CDH20: variants seen among roughly 807,000 people sequenced by gnomAD.
CDH20 encodes cadherin-20.
CDH20 carries 29 observed loss-of-function variants against 74.2 expected under a neutral mutation model. The ratio of observed to expected loss-of-function variants is 0.39; its 90% CI spans 0.29 to 0.53. The LOEUF is 0.53. CDH20 is among the 20% of genes least tolerant of loss of function. CDH20 has a pLI of 0.69. For synonymous variants in CDH20, 469 were observed against 405.4 expected (o/e 1.16, Z -1.88); for missense variants, 988 against 1,048.3 (o/e 0.94, Z 0.79).
intron 6 of CDH20, among the ~76,000 whole-genome samples, chr18:61,524,955 G>C (rs1315710330): frequency 6.6e-6 from 1 of 151,878 alleles, no homozygotes; most frequent in Admixed American, 6.6e-5. Flanking sequence ...CAACATGGAT[G>C]AATCTCAAAT....
intron 7 of CDH20, among the ~76,000 whole-genome samples, chr18:61,529,662 T>A (rs1912569948): frequency 6.6e-6 from 1 of 152,186 alleles, no homozygotes; most frequent in Non-Finnish European, 1.5e-5. Context: ...CAAGAATATA[T>A]ACCTTCTGAT....
At chr18:61,481,505 G>T (rs944566906) in intron 1 of CDH20, among the ~76,000 whole-genome samples, 2 of 152,108 alleles carry the variant, frequency 1.3e-5, no homozygotes, top group Admixed American at 6.5e-5. Context: ...TTCTTTTCCT[G>T]AAAGCATGTA....
intron 9 of CDH20, among the ~76,000 whole-genome samples, chr18:61,541,353 C>T (rs892956005): frequency 2.0e-5 from 3 of 151,606 alleles, no homozygotes; most frequent in African/African-American, 4.8e-5. Context: ...ATAAAATAAG[C>T]TAATTTTAAT....
intron 1 of CDH20, among the ~76,000 whole-genome samples, chr18:61,448,183 A>G (rs1909262313): frequency 6.6e-6 from 1 of 152,326 alleles, no homozygotes; most frequent in Non-Finnish European, 1.5e-5. Flanking sequence ...ATCAAAAAGG[A>G]AAAGAATAGA....
At chr18:61,362,836 A>G in intron 1 of CDH20, among the ~76,000 whole-genome samples, 1 of 152,270 alleles carries the variant, frequency 6.6e-6, no homozygotes, top group African/African-American at 2.4e-5. Context: ...GAATATACAT[A>G]TTTATATTAC....
intron 2 of CDH20, 66 bp from the exon 3 acceptor site, chr18:61,499,119 GA>G: frequency 7.8e-7 from 1 of 1,286,910 alleles, no homozygotes; most frequent in Non-Finnish European, 1.1e-6. Context: ...GTAACAAACT[GA>G]AAATCAATGT....
At chr18:61,544,145 G>A (rs771208659) in intron 9 of CDH20, among the ~76,000 whole-genome samples, 2 of 152,242 alleles carry the variant, frequency 1.3e-5, no homozygotes, top group Non-Finnish European at 2.9e-5. Context: ...GTTTCACATG[G>A]AACGGGAGAG....
intron 1 of CDH20, among the ~76,000 whole-genome samples, chr18:61,470,372 C>A (rs969823058): frequency 2.0e-5 from 3 of 152,148 alleles, no homozygotes; most frequent in Admixed American, 1.3e-4. Context: ...CATTTTCCAA[C>A]GGAAAAAGGA....
intron 6 of CDH20, among the ~76,000 whole-genome samples, chr18:61,521,471 C>G (rs910997025): frequency 1.3e-5 from 2 of 151,246 alleles, no homozygotes; most frequent in African/African-American, 2.5e-5. Flanking sequence ...GATACAGATT[C>G]ACAGCCGAAT....
chr18:61,411,633 C>CCATCCACA (rs1555674511), intron 1 of CDH20, among the ~76,000 whole-genome samples: 2 of 143,128 alleles, frequency 1.4e-5, no homozygotes, highest in Non-Finnish European at 3.1e-5. Context: ...AGATATGTAT[C>CCATCCACA]CACACACACA....
intron 1 of CDH20, among the ~76,000 whole-genome samples, chr18:61,452,942 CTTTGT>C (rs1909443729): frequency 6.6e-6 from 1 of 152,136 alleles, no homozygotes; most frequent in African/African-American, 2.4e-5. Flanking sequence ...TTTCTAAACT[CTTTGT>C]TTTGAGGAAA....
intron 10 of CDH20, 127 bp from the exon 11 acceptor site, chr18:61,549,851 C>A: frequency 1.0e-6 from 1 of 973,884 alleles, no homozygotes; most frequent in Non-Finnish European, 1.5e-6. Flanking sequence ...CCATGGTTGA[C>A]CACTACCAGG....
At chr18:61,525,411 C>A (rs555954501) in intron 6 of CDH20, among the ~76,000 whole-genome samples, 2 of 152,120 alleles carry the variant, frequency 1.3e-5, no homozygotes, top group Admixed American at 1.3e-4. Context: ...ATTTTAAGAG[C>A]GTATAAATGT....
chr18:61,473,968 G>T (rs1599109663), intron 1 of CDH20, among the ~76,000 whole-genome samples: 1 of 152,128 alleles, frequency 6.6e-6, no homozygotes, highest in African/African-American at 2.4e-5. Flanking sequence ...TTTCTCCTAG[G>T]CAAAAATGAG....
chr18:61,475,090 G>T (rs564144683), intron 1 of CDH20, among the ~76,000 whole-genome samples: 2 of 152,082 alleles, frequency 1.3e-5, no homozygotes, highest in African/African-American at 4.8e-5. Flanking sequence ...TGAGTGGTCC[G>T]ATAAGATCAC....
chr18:61,410,938 C>A (rs1474622233), intron 1 of CDH20, among the ~76,000 whole-genome samples: 2 of 152,146 alleles, frequency 1.3e-5, no homozygotes, highest in African/African-American at 2.4e-5. Flanking sequence ...CGGTGGCTCA[C>A]GCCTGTAATC....
At chr18:61,419,037 T>C (rs1912791719) in intron 1 of CDH20, among the ~76,000 whole-genome samples, 1 of 152,216 alleles carries the variant, frequency 6.6e-6, no homozygotes. Context: ...ATAGCTATGA[T>C]GTATATAACA....
chr18:61,335,777 G>T (rs1226999761), intron 1 of CDH20, among the ~76,000 whole-genome samples: 1 of 152,226 alleles, frequency 6.6e-6, no homozygotes, highest in Non-Finnish European at 1.5e-5. Context: ...AATGTTTTGT[G>T]AAAAGTTTGC....
chr18:61,334,143 A>C (rs1024010352), intron 1 of CDH20: 1 of 152,022 alleles, frequency 6.6e-6, no homozygotes, highest in African/African-American at 2.4e-5. Context: ...GCGCCTGGGG[A>C]TGGTGACTGG....
Sources: allele counts gnomAD v4.1 joint callset (sites outside exome capture counted in the v4.1 genomes callset), GRCh38; gene constraint gnomAD v4.1.1; transcripts MANE v1.5; gene names NCBI Gene and HGNC (gene_info 2026-07-23, HGNC 2026-07-21).